ADK: variants seen among roughly 807,000 people sequenced by gnomAD.
ADK encodes the protein adenosine kinase.
A neutral mutation model predicts 44.7 loss-of-function variants in ADK; 24 were observed. That is an observed-to-expected ratio of 0.54 (90% CI 0.39 to 0.76). The LOEUF (loss-of-function observed/expected upper bound fraction) is 0.76, where lower values mean the gene tolerates loss of function less well. ADK is among the 30% of genes least tolerant of loss of function. The pLI is 0.00. For synonymous variants in ADK, 128 were observed against 142.6 expected, an observed-to-expected ratio of 0.90 and a Z score of 0.73; for missense variants, 321 against 425.1, an observed-to-expected ratio of 0.76 and a Z score of 2.15.
At chr10:74,341,122 C>T (rs989682193) in intron 4 of ADK, among the ~76,000 whole-genome samples, 3 of 152,038 alleles carry the variant, frequency 2.0e-5, no homozygotes, top group African/African-American at 4.8e-5. Flanking sequence ...TTTTTCTTCT[C>T]CTTGATAGTA....
At chr10:74,191,392 TA>T (rs991102720) in intron 1 of ADK, among the ~76,000 whole-genome samples, 6 of 151,744 alleles carry the variant, frequency 4.0e-5, no homozygotes, top group East Asian at 1.9e-4. Flanking sequence ...TTTTAAGCAT[TA>T]AAAAAAATTA....
chr10:74,292,109 A>G (rs1480947208), intron 3 of ADK, among the ~76,000 whole-genome samples: 1 of 151,996 alleles, frequency 6.6e-6, no homozygotes, highest in Admixed American at 6.6e-5. Flanking sequence ...CTCTCTACTT[A>G]CCTACCTGCC....
intron 9 of ADK, among the ~76,000 whole-genome samples, chr10:74,632,518 AT>A (rs1437403726): frequency 6.6e-6 from 1 of 152,176 alleles, no homozygotes; most frequent in East Asian, 1.9e-4. Flanking sequence ...CTGGAAATCA[AT>A]TCTTGGCATT....
chr10:74,365,520 A>G (rs1030197585), intron 4 of ADK, among the ~76,000 whole-genome samples: 3 of 152,346 alleles, frequency 2.0e-5, no homozygotes, highest in Middle Eastern at 6.8e-3. Flanking sequence ...TCATTCATCA[A>G]TTGATGGACA....
chr10:74,503,966 C>T (rs887659934), intron 6 of ADK, among the ~76,000 whole-genome samples: 22 of 152,262 alleles, frequency 1.4e-4, no homozygotes, highest in African/African-American at 4.3e-4. Context: ...GATTTACTTA[C>T]GCTACCTCAT....
chr10:74,682,590 T>TTTC (rs1452659372), intron 10 of ADK, among the ~76,000 whole-genome samples: 39 of 150,656 alleles, frequency 2.6e-4, no homozygotes, highest in South Asian at 1.7e-3. Context: ...TTTTTTTTTT[T>TTTC]TGAGACGGAG....
intron 10 of ADK, among the ~76,000 whole-genome samples, chr10:74,706,561 A>T (rs1456843558): frequency 6.6e-6 from 1 of 152,196 alleles, no homozygotes; most frequent in East Asian, 1.9e-4. Flanking sequence ...GCTATACAGA[A>T]GTAGGTTTAT....
chr10:74,336,550 A>G (rs762360199), intron 4 of ADK, among the ~76,000 whole-genome samples: 4 of 152,186 alleles, frequency 2.6e-5, no homozygotes, highest in Admixed American at 2.0e-4. Context: ...TAATGGACAT[A>G]TTAGAAATTA....
intron 4 of ADK, among the ~76,000 whole-genome samples, chr10:74,342,467 T>G (rs574116786): frequency 1.4e-4 from 22 of 152,088 alleles, no homozygotes; most frequent in Admixed American, 9.2e-4. Context: ...TACAATTGTG[T>G]GTGGTTTTTG....
intron 6 of ADK, among the ~76,000 whole-genome samples, chr10:74,458,934 C>T (rs1009897777): frequency 2.0e-5 from 3 of 152,076 alleles, no homozygotes; most frequent in African/African-American, 7.2e-5. Flanking sequence ...CACATATATA[C>T]TCTACCTTAA....
intron 6 of ADK, among the ~76,000 whole-genome samples, chr10:74,437,442 T>C (rs996522656): frequency 6.6e-6 from 1 of 152,224 alleles, no homozygotes; most frequent in African/African-American, 2.4e-5. Context: ...GTTTCTCTTA[T>C]GTTTAATACA....
intron 6 of ADK, among the ~76,000 whole-genome samples, chr10:74,467,200 T>C (rs1404448502): frequency 6.6e-6 from 1 of 152,142 alleles, no homozygotes; most frequent in Non-Finnish European, 1.5e-5. Flanking sequence ...GTGCATGTAA[T>C]AGCATTAAAA....
intron 9 of ADK, among the ~76,000 whole-genome samples, chr10:74,664,849 A>G (rs1203688374): frequency 1.3e-5 from 2 of 152,228 alleles, no homozygotes; most frequent in African/African-American, 4.8e-5. Flanking sequence ...CTCAAAGAAA[A>G]AAAAGTAATA....
intron 6 of ADK, among the ~76,000 whole-genome samples, chr10:74,472,787 G>A (rs1315319414): frequency 6.6e-6 from 1 of 152,100 alleles, no homozygotes; most frequent in Non-Finnish European, 1.5e-5. Context: ...CGCAGAAAGT[G>A]GTCTCATATA....
intron 6 of ADK, among the ~76,000 whole-genome samples, chr10:74,426,477 G>A (rs1844801159): frequency 6.6e-6 from 1 of 152,106 alleles, no homozygotes; most frequent in African/African-American, 2.4e-5. Context: ...AATATTACAT[G>A]AAACAAAAAG....
intron 6 of ADK, among the ~76,000 whole-genome samples, chr10:74,502,901 C>T (rs993295127): frequency 2.0e-5 from 3 of 152,196 alleles, no homozygotes; most frequent in Admixed American, 6.5e-5. Flanking sequence ...GTAATTATAT[C>T]GTTTCTTTCT....
At chr10:74,597,634 A>G (rs768246241) in intron 8 of ADK, among the ~76,000 whole-genome samples, 82 of 152,104 alleles carry the variant, frequency 5.4e-4, no homozygotes, top group Non-Finnish European at 1.0e-3. Flanking sequence ...GTACATTGAG[A>G]TTAGGCATTT....
chr10:74,511,878 A>G (rs2133526089), intron 6 of ADK, among the ~76,000 whole-genome samples: 1 of 152,284 alleles, frequency 6.6e-6, no homozygotes, highest in Middle Eastern at 3.4e-3. Context: ...TGTCTGTTCC[A>G]GTTCTTAGAG....
chr10:74,274,284 G>A (rs1025618963), intron 3 of ADK, among the ~76,000 whole-genome samples: 11 of 152,104 alleles, frequency 7.2e-5, no homozygotes, highest in South Asian at 2.1e-4. Flanking sequence ...AATCATGGCC[G>A]GGCGTGGTAG....
Sources: allele counts gnomAD v4.1 joint callset (sites outside exome capture counted in the v4.1 genomes callset), GRCh38; gene constraint gnomAD v4.1.1; transcripts MANE v1.5; gene names NCBI Gene and HGNC (gene_info 2026-07-23, HGNC 2026-07-21).